RIMS1: variants seen among roughly 807,000 people sequenced by gnomAD.
RIMS1 encodes the protein regulating synaptic membrane exocytosis 1, also known as regulating synaptic membrane exocytosis protein 1.
RIMS1 carries 83 observed loss-of-function variants against 214.1 expected under a neutral mutation model. That is an observed-to-expected ratio of 0.39 (90% confidence interval 0.32 to 0.47). The LOEUF (loss-of-function observed/expected upper bound fraction) is 0.47, where lower values mean the gene tolerates loss of function less well. Among genes scored for constraint, RIMS1 ranks in the 20% least tolerant of loss-of-function variants. RIMS1 has a pLI of 0.99. For missense variants in RIMS1, 2,050 were observed against 2,161.8 expected (o/e 0.95, Z 1.03); for synonymous variants, 793 against 786.8 (o/e 1.01, Z -0.13).
Position 72,169,663 on chromosome 6 carries a change from G to A in RIMS1, c.472-9912G>A, listed in dbSNP as rs149883186. 1.2e-3 allele frequency among the ~76,000 whole-genome samples: 189 copies of A among 152,210 alleles called. 3 individuals are homozygous for A. Among genetic ancestry groups the A allele is most frequent in the Middle Eastern group, 3.4e-3 (1 of 294 alleles). On this transcript the variant is annotated intron_variant, in intron 4 of 33. Transcript: ENST00000521978. The stretch of plus-strand genomic sequence containing the variant: ...ACATGCCTGTAATTGCAGCACTTTC[G>A]GAGGCTAAGGCGGGCAGATTGCTTG...
intron 3 of RIMS1, among the ~76,000 whole-genome samples, chr6:72,097,575 C>T (rs2032167842): frequency 6.6e-6 from 1 of 152,092 alleles, no homozygotes; most frequent in African/African-American, 2.4e-5. Flanking sequence ...TGCAAAATAA[C>T]TGAATGTCAT....
At chr6:71,905,940 G>A (rs1376983736) in intron 1 of RIMS1, among the ~76,000 whole-genome samples, 1 of 152,126 alleles carries the variant, frequency 6.6e-6, no homozygotes, top group East Asian at 1.9e-4. Context: ...AAGCTATGGA[G>A]TTTTACACAA....
intron 3 of RIMS1, among the ~76,000 whole-genome samples, chr6:72,099,655 G>T (rs1314867322): frequency 6.6e-6 from 1 of 152,036 alleles, no homozygotes. Context: ...ACATGTGGTA[G>T]TGAATTAACC....
At chr6:71,986,974 C>T (rs569349620) in intron 2 of RIMS1, among the ~76,000 whole-genome samples, 5 of 151,808 alleles carry the variant, frequency 3.3e-5, no homozygotes, top group East Asian at 1.9e-4. Context: ...TAGATGGTAG[C>T]GTTTACAGAG....
intron 4 of RIMS1, among the ~76,000 whole-genome samples, chr6:72,135,424 T>G (rs1417295742): frequency 6.6e-6 from 1 of 152,166 alleles, no homozygotes; most frequent in Non-Finnish European, 1.5e-5. Context: ...CTCCCAACAC[T>G]ACTCCTTACA....
chr6:72,151,727 A>G (rs543711283), intron 4 of RIMS1, among the ~76,000 whole-genome samples: 15 of 152,246 alleles, frequency 9.9e-5, no homozygotes, highest in African/African-American at 3.4e-4. Context: ...ATGTCATTTC[A>G]GGGCAGTACA....
intron 1 of RIMS1, among the ~76,000 whole-genome samples, chr6:71,890,238 CT>C (rs1459980946): frequency 6.6e-6 from 1 of 151,956 alleles, no homozygotes; most frequent in East Asian, 1.9e-4. Flanking sequence ...ATTGAAAGTA[CT>C]TTATCATAAA....
At chr6:72,164,232 T>G (rs1396368990) in intron 4 of RIMS1, among the ~76,000 whole-genome samples, 1 of 152,182 alleles carries the variant, frequency 6.6e-6, no homozygotes, top group African/African-American at 2.4e-5. Context: ...TTGCTAAGAC[T>G]GTTGGCAAAG....
intron 23 of RIMS1, 51 bp downstream of exon 23, chr6:72,274,483 C>A: frequency 1.5e-6 from 2 of 1,356,820 alleles, no homozygotes; most frequent in South Asian, 1.2e-5. Context: ...AGCTTATAGG[C>A]CACCAACTGA....
chr6:71,998,094 G>A (rs1804024905), intron 2 of RIMS1, among the ~76,000 whole-genome samples: 1 of 152,026 alleles, frequency 6.6e-6, no homozygotes, highest in Non-Finnish European at 1.5e-5. Context: ...TGGGATCTGT[G>A]GGTCTCCTGC....
chr6:72,322,253 A>G (rs997614909), intron 28 of RIMS1, among the ~76,000 whole-genome samples: 2 of 152,124 alleles, frequency 1.3e-5, no homozygotes, highest in Non-Finnish European at 2.9e-5. Flanking sequence ...TATACCTCAT[A>G]GTAGCAGACT....
chr6:72,309,435 G>T (rs182817452), intron 27 of RIMS1, among the ~76,000 whole-genome samples: 59 of 152,206 alleles, frequency 3.9e-4, no homozygotes, highest in Non-Finnish European at 5.9e-4. Context: ...GAGCCTCTCT[G>T]TATAGTGAAG....
intron 4 of RIMS1, among the ~76,000 whole-genome samples, chr6:72,118,170 C>A (rs1037642244): frequency 4.0e-5 from 6 of 150,892 alleles, no homozygotes; most frequent in Non-Finnish European, 8.9e-5. Context: ...ACTGGAAAAT[C>A]TAGAAGAGAT....
chr6:72,343,922 T>G (rs1199067546), intron 29 of RIMS1, among the ~76,000 whole-genome samples: 1 of 151,738 alleles, frequency 6.6e-6, no homozygotes, highest in Non-Finnish European at 1.5e-5. Context: ...CTATCAAAAT[T>G]TTCCTTGTTC....
At chr6:72,097,274 C>A (rs140403403) in intron 3 of RIMS1, 112 bp downstream of exon 3, 3 of 923,830 alleles carry the variant, frequency 3.2e-6, no homozygotes, top group Non-Finnish European at 5.1e-6. Context: ...TAAACATACA[C>A]GTTAAAATGA....
At chr6:71,984,460 C>A (rs1799326618) in intron 2 of RIMS1, among the ~76,000 whole-genome samples, 1 of 151,616 alleles carries the variant, frequency 6.6e-6, no homozygotes. Flanking sequence ...AATGTAGAAA[C>A]CACAGTGTTA....
chr6:72,140,537 C>T (rs2041960353), intron 4 of RIMS1, among the ~76,000 whole-genome samples: 1 of 151,986 alleles, frequency 6.6e-6, no homozygotes, highest in African/African-American at 2.4e-5. Context: ...TTCCACTTGG[C>T]ATGATTACTA....
intron 29 of RIMS1, among the ~76,000 whole-genome samples, chr6:72,381,426 A>G (rs2098485029): frequency 6.6e-6 from 1 of 152,262 alleles, no homozygotes; most frequent in African/African-American, 2.4e-5. Context: ...CTTTGGAAAC[A>G]TTGAAGCTGT....
At chr6:72,311,799 C>T (rs1313955505) in intron 27 of RIMS1, among the ~76,000 whole-genome samples, 2 of 152,014 alleles carry the variant, frequency 1.3e-5, no homozygotes, top group South Asian at 4.2e-4. Flanking sequence ...GGTGAAACCC[C>T]GTCTCTACTA....
Sources: allele counts gnomAD v4.1 joint callset (sites outside exome capture counted in the v4.1 genomes callset), GRCh38; gene constraint gnomAD v4.1.1; transcripts MANE v1.5; gene names NCBI Gene and HGNC (gene_info 2026-07-23, HGNC 2026-07-21).